Variants in RPN2 observed in about 807,000 individuals in gnomAD.
RPN2 encodes ribophorin II, also known as dolichyl-diphosphooligosaccharide--protein glycosyltransferase subunit 2.
In RPN2, 29 loss-of-function variants were observed where a neutral mutation model predicts 71.4. That is an observed-to-expected ratio of 0.41 (90% CI 0.30 to 0.55). The LOEUF (loss-of-function observed/expected upper bound fraction) is 0.55. RPN2 is among the 20% of genes least tolerant of loss of function. RPN2 has a pLI of 0.35. For synonymous variants in RPN2, 308 were observed against 305.0 expected (o/e 1.01, Z -0.10); for missense variants, 726 against 774.1 (o/e 0.94, Z 0.74).
rs535717231 is a variant in RPN2 at position 37,187,897 on chromosome 20, C to T, written c.207+3524C>T. ...ACCTCAAGTGATTTGCCCTCCTCGG[C>T]CTCCCAAAATGCTGGGATTACACGC... On this transcript the variant is annotated intron_variant, in intron 2 of 16. Coordinates refer to ENST00000237530, the MANE Select transcript of RPN2 (RefSeq NM_002951.5). Among the ~76,000 whole-genome samples, 9 of 152,298 alleles carry T rather than the reference C, an allele frequency of 5.9e-5. No homozygotes were observed. In the East Asian group the frequency reaches 1.7e-3, roughly 29 times the overall value.
At chr20:37,216,518 G>A (rs2067809114) in intron 9 of RPN2, among the ~76,000 whole-genome samples, 1 of 151,948 alleles carries the variant, frequency 6.6e-6, no homozygotes, top group Non-Finnish European at 1.5e-5. Flanking sequence ...CTGGAGTATA[G>A]TGGTGCCATC....
intron 12 of RPN2, 166 bp from the exon 13 acceptor site, chr20:37,229,807 T>C (rs2068188694): frequency 8.9e-6 from 6 of 672,790 alleles, no homozygotes; most frequent in Middle Eastern, 7.8e-4. Context: ...GTTTTGTTCT[T>C]AAAGTTTTTA....
chr20:37,236,565 C>T lies in RPN2; in HGVS notation c.1754-15C>T. ...TGTTTCATTTAATTGGATGTCATGA[C>T]ACCTCTTCTTGCAGCTATGCTGGGA... On this transcript the variant is annotated splice_polypyrimidine_tract_variant and intron_variant, in intron 15 of 16. Transcript: ENST00000237530. 6.2e-7 allele frequency: 1 copy of T among 1,613,928 alleles called. No homozygotes were observed. Among genetic ancestry groups the T allele is most frequent in the Non-Finnish European group, 8.5e-7 (1 of 1,179,886 alleles).
chr20:37,229,062 C>T (rs1016650665), intron 12 of RPN2, among the ~76,000 whole-genome samples: 2 of 152,138 alleles, frequency 1.3e-5, no homozygotes, highest in Non-Finnish European at 2.9e-5. Flanking sequence ...ATTGGGGTTA[C>T]GTAGATGTGA....
chr20:37,194,113 C>T (rs983942118), intron 2 of RPN2, among the ~76,000 whole-genome samples: 7 of 152,070 alleles, frequency 4.6e-5, no homozygotes, highest in Non-Finnish European at 7.4e-5. Flanking sequence ...TCCTCTGCTT[C>T]GACAATTTGG....
chr20:37,203,361 CTTTTTTTTT>C (rs11348988), intron 4 of RPN2, among the ~76,000 whole-genome samples: 75 of 137,998 alleles, frequency 5.4e-4, no homozygotes, highest in African/African-American at 1.0e-3. Flanking sequence ...TTGCTTCAAT[CTTTTTTTTT>C]TTTTTTTTTT....
intron 15 of RPN2, among the ~76,000 whole-genome samples, chr20:37,236,331 C>T (rs1014423982): frequency 7.9e-5 from 12 of 152,102 alleles, no homozygotes; most frequent in African/African-American, 2.9e-4. Flanking sequence ...GAGCAATCCT[C>T]CTGCCTCAGC....
chr20:37,179,700 A>G (rs944358926), intron 1 of RPN2: 79 of 295,220 alleles, frequency 2.7e-4, no homozygotes, highest in Non-Finnish European at 4.3e-4. Context: ...CAGGCGGCCT[A>G]AGGTTCTGGT....
At chr20:37,238,914 A>G in intron 16 of RPN2, 1 of 474,690 alleles carries the variant, frequency 2.1e-6, no homozygotes, top group South Asian at 1.5e-5. Flanking sequence ...TGGTCTGGGG[A>G]GACTGTAATT....
At chr20:37,188,445 G>A (rs1023921896) in intron 2 of RPN2, among the ~76,000 whole-genome samples, 35 of 151,894 alleles carry the variant, frequency 2.3e-4, no homozygotes, top group Admixed American at 1.6e-3. Flanking sequence ...GAGCCACCGC[G>A]CCCGGCCCAT....
intron 14 of RPN2, 65 bp from the exon 15 acceptor site, chr20:37,233,955 A>G: frequency 6.4e-7 from 1 of 1,558,276 alleles, no homozygotes. Flanking sequence ...TAGCATTGGC[A>G]TGGCTTGTGT....
At chr20:37,192,695 A>T (rs1433846733) in intron 2 of RPN2, among the ~76,000 whole-genome samples, 4 of 152,218 alleles carry the variant, frequency 2.6e-5, no homozygotes, top group African/African-American at 9.7e-5. Context: ...GTAATCAAAT[A>T]CATGCACGAA....
chr20:37,179,555 G>A (rs2066789643), intron 1 of RPN2, 186 bp downstream of exon 1: 24 of 1,374,446 alleles, frequency 1.7e-5, no homozygotes, highest in Non-Finnish European at 2.3e-5. Context: ...GAGTGCCCGC[G>A]ACCTGGCGGG....
chr20:37,181,813 C>G (rs1333400705), intron 1 of RPN2, among the ~76,000 whole-genome samples: 2 of 152,136 alleles, frequency 1.3e-5, no homozygotes, highest in African/African-American at 4.8e-5. Flanking sequence ...ATTTCTTAGT[C>G]CTTCATAGAC....
chr20:37,198,331 C>G, intron 2 of RPN2, 66 bp from the exon 3 acceptor site: 1 of 1,613,224 alleles, frequency 6.2e-7, no homozygotes, highest in African/African-American at 1.3e-5. Context: ...TATCTAAAAA[C>G]GCCTTTGCTT....
At chr20:37,210,192 G>C (rs1457263473) in intron 8 of RPN2, 27 bp downstream of exon 8, 10 of 1,611,666 alleles carry the variant, frequency 6.2e-6, no homozygotes, top group Non-Finnish European at 8.5e-6. Flanking sequence ...TTTTGGTGGG[G>C]CGCTGACCTC....
intron 9 of RPN2, among the ~76,000 whole-genome samples, chr20:37,221,385 A>G (rs1568989972): frequency 6.6e-6 from 1 of 151,960 alleles, no homozygotes; most frequent in Non-Finnish European, 1.5e-5. Flanking sequence ...TTTAGTAGAG[A>G]CAGGGTTTTG....
rs1326611754 is a variant in RPN2, at chr20:37,203,951, G to T, written c.546G>T (p.Glu182Asp). 6 of 1,613,132 alleles carry T rather than the reference G, an allele frequency of 3.7e-6. No individual in the cohort carries two copies. The highest frequency in any genetic ancestry group is 4.2e-6 in the Non-Finnish European group (5 of 1,179,088). ...AGGCTGACCTGAGGAGCATCGTGGA[G>T]GAGATTGAGGTGTGAATCTTTTGCC... ...SQQADLRSIVEEIEDLVARLD... is the reference protein window; with the variant it reads ...SQQADLRSIVDEIEDLVARLD... Residue 182 changes from glutamate to aspartate, a missense_variant, in exon 5 of 17, where the codon GAG (glutamate) becomes GAT (aspartate). Glu to Asp is a conservative substitution (Grantham distance 45, BLOSUM62 2). Coordinates refer to ENST00000237530, the MANE Select transcript of RPN2 (RefSeq NM_002951.5).
intron 7 of RPN2, among the ~76,000 whole-genome samples, chr20:37,208,505 A>G (rs2067575355): frequency 6.6e-6 from 1 of 152,108 alleles, no homozygotes; most frequent in African/African-American, 2.4e-5. Flanking sequence ...GGCTTCCTCC[A>G]GTACCCAAAT....
Sources: allele counts gnomAD v4.1 joint callset (sites outside exome capture counted in the v4.1 genomes callset), GRCh38; gene constraint gnomAD v4.1.1; transcripts MANE v1.5; gene names NCBI Gene and HGNC (gene_info 2026-07-23, HGNC 2026-07-21).